SLCO3A1: variants seen among roughly 807,000 people sequenced by gnomAD.
SLCO3A1 encodes solute carrier organic anion transporter family member 3A1, also known as PGE1 transporter.
In SLCO3A1, 27 loss-of-function variants were observed where a neutral mutation model predicts 63.1. The ratio of observed to expected loss-of-function variants is 0.43; its 90% confidence interval spans 0.32 to 0.59. SLCO3A1 has a LOEUF of 0.59. Ranked by LOEUF, SLCO3A1 falls within the 20% of genes least tolerant of loss-of-function variation. The pLI is 0.09. For synonymous variants in SLCO3A1, 473 were observed against 409.9 expected (o/e 1.15, Z -1.86); for missense variants, 773 against 945.8 (o/e 0.82, Z 2.40).
intron 1 of SLCO3A1, among the ~76,000 whole-genome samples, chr15:91,866,713 G>T (rs74855786): frequency 1.1e-4 from 16 of 151,902 alleles, no homozygotes; most frequent in African/African-American, 3.6e-4. Context: ...TTGATTTATC[G>T]TGGGGGGGGA....
At chr15:92,028,718 C>A (rs1416204080) in intron 2 of SLCO3A1, among the ~76,000 whole-genome samples, 1 of 152,126 alleles carries the variant, frequency 6.6e-6, no homozygotes, top group Non-Finnish European at 1.5e-5. Flanking sequence ...ACAATAAAAT[C>A]ACTGCTTCTG....
intron 2 of SLCO3A1, among the ~76,000 whole-genome samples, chr15:92,037,743 A>G (rs912231706): frequency 2.6e-5 from 4 of 152,252 alleles, no homozygotes; most frequent in Non-Finnish European, 5.9e-5. Flanking sequence ...TACAGATTAC[A>G]TTGCCTTGCT....
At chr15:91,871,753 T>TG (rs1491537197) in intron 1 of SLCO3A1, among the ~76,000 whole-genome samples, 4 of 115,696 alleles carry the variant, frequency 3.5e-5, no homozygotes, top group African/African-American at 7.8e-5. Context: ...GTGCTCATTT[T>TG]GTTTTTTTTT....
intron 2 of SLCO3A1, among the ~76,000 whole-genome samples, chr15:92,092,220 TTC>T (rs2047486438): frequency 6.6e-6 from 1 of 152,142 alleles, no homozygotes; most frequent in South Asian, 2.1e-4. Context: ...TGTTGGTTGT[TTC>T]TGTTTTTCCA....
At chr15:91,999,195 G>A (rs1376154030) in intron 2 of SLCO3A1, among the ~76,000 whole-genome samples, 1 of 152,206 alleles carries the variant, frequency 6.6e-6, no homozygotes, top group Non-Finnish European at 1.5e-5. Flanking sequence ...CTCCACCTGG[G>A]TGATGGGATC....
intron 2 of SLCO3A1, among the ~76,000 whole-genome samples, chr15:91,928,448 G>T (rs1428056728): frequency 6.6e-6 from 1 of 152,158 alleles, no homozygotes; most frequent in Non-Finnish European, 1.5e-5. Context: ...CTACAGTCCG[G>T]TCTGGTCTCC....
chr15:92,047,839 C>T (rs563358563), intron 2 of SLCO3A1, among the ~76,000 whole-genome samples: 6 of 151,096 alleles, frequency 4.0e-5, no homozygotes, highest in African/African-American at 1.5e-4. Flanking sequence ...CAGGTCCTCC[C>T]ACCACCAGCT....
chr15:92,146,058 G>A (rs1036104843), intron 7 of SLCO3A1, among the ~76,000 whole-genome samples: 4 of 152,156 alleles, frequency 2.6e-5, no homozygotes, highest in Non-Finnish European at 5.9e-5. Context: ...ATTTACCTGG[G>A]CATGTGCTCT....
rs572388369 is a variant in SLCO3A1 at position 92,068,433 on chromosome 15, G to A, written c.647-26448G>A. ...AACCTAATTAAGACAGCGTTTCAGC[G>A]CTATAACTAAATTCATTCATAGCCC... On this transcript the variant is annotated intron_variant, in intron 2 of 9. Transcript: ENST00000318445. Among the ~76,000 whole-genome samples the A allele has an allele frequency of 7.2e-5, 11 of 151,768 alleles. No individual in the cohort carries two copies. The South Asian group carries it at 1.3e-3, about 17-fold the overall frequency.
intron 2 of SLCO3A1, among the ~76,000 whole-genome samples, chr15:91,949,914 G>A (rs1389825401): frequency 4.6e-5 from 7 of 152,192 alleles, no homozygotes; most frequent in Non-Finnish European, 8.8e-5. Context: ...GGCTGAGGCA[G>A]GAGGATCACC....
Position 91,854,241 on chromosome 15 carries a change from C to T in SLCO3A1, c.180+153C>T. 1 of 1,112,704 alleles carries T rather than the reference C, an allele frequency of 9.0e-7. No individual in the cohort carries two copies. 68.9% of individuals were successfully genotyped at this position (1,112,704 alleles called of 1,614,324 possible). ...TTGGCGAGTGGTGCAGAGGCGGCCG[C>T]CGGGGGAGCTGCCGGCCGGGGCTGC... On this transcript the variant is annotated intron_variant, in intron 1 of 9. Coordinates refer to ENST00000318445, the MANE Select transcript of SLCO3A1 (RefSeq NM_013272.4). The surrounding 1 kb of genome is among the most constrained non-coding windows in gnomAD (Gnocchi z 6.4).
chr15:92,001,560 G>A (rs1417254670), intron 2 of SLCO3A1, among the ~76,000 whole-genome samples: 1 of 152,170 alleles, frequency 6.6e-6, no homozygotes, highest in Non-Finnish European at 1.5e-5. Context: ...ATATGATAAG[G>A]ACACTTAAAT....
rs538225133 is a variant in SLCO3A1 at position 92,055,722 on chromosome 15, G to A, written c.647-39159G>A. ...GCTCTCTGCACTCATCACCCCACAG[G>A]CATCTGCATGTGGCCCCTTCTTTAG... On this transcript the variant is annotated intron_variant, in intron 2 of 9. Transcript: ENST00000318445. 1.1e-3 allele frequency among the ~76,000 whole-genome samples: 161 copies of A among 152,202 alleles called. 1 individual carries two copies. The highest frequency in any genetic ancestry group is 3.3e-3 in the East Asian group (17 of 5,160).
chr15:91,896,461 T>G (rs1898006992), intron 1 of SLCO3A1, among the ~76,000 whole-genome samples: 1 of 152,236 alleles, frequency 6.6e-6, no homozygotes, highest in Non-Finnish European at 1.5e-5. Context: ...TCTTGAATTG[T>G]AGCTCCATAA....
At chr15:92,128,581 G>T (rs2047955272) in intron 7 of SLCO3A1, 92 bp downstream of exon 7, 1 of 1,197,750 alleles carries the variant, frequency 8.3e-7, no homozygotes, top group African/African-American at 1.5e-5. Context: ...CGCCTTCCCT[G>T]TGACTTTTTC....
chr15:91,913,605 T>G (rs1432297884), intron 1 of SLCO3A1, among the ~76,000 whole-genome samples: 4 of 152,224 alleles, frequency 2.6e-5, no homozygotes, highest in South Asian at 2.1e-4. Flanking sequence ...TTTTTTGGTT[T>G]GTTTTTTTAG....
rs1354154751 is a variant in SLCO3A1 at position 91,865,667 on chromosome 15, C to T, written c.180+11579C>T. On this transcript the variant is annotated intron_variant, in intron 1 of 9. Coordinates refer to ENST00000318445, the MANE Select transcript of SLCO3A1 (RefSeq NM_013272.4). This position sits in a 1 kb window ranked among gnomAD's most constrained non-coding sequence, Gnocchi z 4.6. Reference sequence around the variant, plus strand: ...TCACTCCCATCTCTGCCTTTGCTGTCACATGGTGTTTCCCCCGCGTCTCTC... The same window carrying T: ...TCACTCCCATCTCTGCCTTTGCTGTTACATGGTGTTTCCCCCGCGTCTCTC... 6.6e-6 allele frequency among the ~76,000 whole-genome samples: 1 copy of T among 152,172 alleles called. No individual in the cohort carries two copies. Among genetic ancestry groups the T allele is most frequent in the Non-Finnish European group, 1.5e-5 (1 of 68,030 alleles).
intron 9 of SLCO3A1, among the ~76,000 whole-genome samples, chr15:92,152,153 T>C (rs1456244379): frequency 6.6e-6 from 1 of 152,248 alleles, no homozygotes; most frequent in African/African-American, 2.4e-5. Context: ...TTTTCTAAAT[T>C]TGTTTTAAAG....
At position 92,001,208 on chromosome 15, in the gene SLCO3A1, G is replaced by C. The variant is rs552711822; in HGVS notation, c.646+84750G>C. Among the ~76,000 whole-genome samples, 173 of 146,390 alleles carry C rather than the reference G, an allele frequency of 1.2e-3. 1 individual carries two copies. The highest frequency in any genetic ancestry group is 1.4e-3 in the Non-Finnish European group (90 of 66,042). ...AGGAAATGCTTTAAGGACCAGGTGG[G>C]TGGGCGGGGGGGAGGGGGCGAACAA... On this transcript the variant is annotated intron_variant, in intron 2 of 9. Transcript: ENST00000318445.
Sources: allele counts gnomAD v4.1 joint callset (sites outside exome capture counted in the v4.1 genomes callset), GRCh38; gene constraint gnomAD v4.1.1; non-coding constraint Gnocchi (gnomAD v3.1); transcripts MANE v1.5; gene names NCBI Gene and HGNC (gene_info 2026-07-23, HGNC 2026-07-21).